Variants in DMD observed in about 807,000 individuals in gnomAD.
DMD encodes mutant dystrophin.
A neutral mutation model predicts 330.1 loss-of-function variants in DMD; 63 were observed. The ratio of observed to expected loss-of-function variants is 0.19; its 90% CI spans 0.16 to 0.24. DMD has a LOEUF of 0.24. Ranked by LOEUF, DMD falls within the 10% of genes least tolerant of loss-of-function variation. The probability of loss-of-function intolerance (pLI) is 1.00; values close to 1 mark genes in which losing one functional copy is unlikely to be tolerated. For missense variants in DMD, 3,344 were observed against 2,684.1 expected (o/e 1.25, Z -5.43); for synonymous variants, 1,223 against 959.8 (o/e 1.27, Z -5.07).
chrX:32,335,650 T>C (rs770839240), intron 41 of DMD, among the ~76,000 whole-genome samples: 2 of 108,415 alleles, frequency 1.8e-5, no homozygotes, highest in African/African-American at 6.6e-5. Context: ...CATAACATGT[T>C]ATATACATAA....
chrX:31,849,412 T>C (rs1216756201), intron 48 of DMD, among the ~76,000 whole-genome samples: 2 of 110,554 alleles, frequency 1.8e-5, no homozygotes, highest in East Asian at 2.8e-4. Context: ...TTGTGTTTGA[T>C]AGACAAGAAG....
chrX:33,280,139 C>T (rs750703517), intron 1 of DMD, among the ~76,000 whole-genome samples: 2 of 110,348 alleles, frequency 1.8e-5, no homozygotes, highest in East Asian at 2.9e-4. Flanking sequence ...TGCGCCACTA[C>T]GCCCAGCTAA....
At chrX:31,718,699 C>CTTG (rs2085250116) in intron 52 of DMD, among the ~76,000 whole-genome samples, 1 of 111,468 alleles carries the variant, frequency 9.0e-6, no homozygotes, top group African/African-American at 3.3e-5. Flanking sequence ...GCACCATGAT[C>CTTG]TTGTACTTCT....
At chrX:32,552,806 A>T (rs1000071862) in intron 16 of DMD, among the ~76,000 whole-genome samples, 3 of 112,373 alleles carry the variant, frequency 2.7e-5, no homozygotes, top group African/African-American at 9.7e-5. Context: ...AAACATTCAT[A>T]TGAAAAAATG....
At chrX:31,451,242 T>TTTCCTTCC (rs200559359) in intron 59 of DMD, among the ~76,000 whole-genome samples, 1 of 94,914 alleles carries the variant, frequency 1.1e-5, no homozygotes, top group Non-Finnish European at 2.0e-5. Flanking sequence ...CTCTTTTTTC[T>TTTCCTTCC]TTCCTTCCTT....
intron 16 of DMD, among the ~76,000 whole-genome samples, chrX:32,549,400 C>T (rs2049299016): frequency 8.9e-6 from 1 of 111,919 alleles, no homozygotes. Flanking sequence ...TGCTTGTTTT[C>T]AAGCTCTGCT....
intron 47 of DMD, among the ~76,000 whole-genome samples, chrX:31,918,163 T>G (rs1477602608): frequency 8.9e-6 from 1 of 112,700 alleles, no homozygotes; most frequent in Non-Finnish European, 1.9e-5. Context: ...TAACCTACTT[T>G]GTAATAGTAA....
intron 29 of DMD, among the ~76,000 whole-genome samples, chrX:32,417,961 A>G (rs1398664029): frequency 9.0e-6 from 1 of 110,576 alleles, no homozygotes; most frequent in East Asian, 2.8e-4. Context: ...GTTAAAAAAA[A>G]AAAAAAGAAA....
At chrX:32,914,501 A>C (rs1478967176) in intron 2 of DMD, among the ~76,000 whole-genome samples, 1 of 112,334 alleles carries the variant, frequency 8.9e-6, no homozygotes, top group Non-Finnish European at 1.9e-5. Flanking sequence ...TAAATATCGG[A>C]ATCTGTGGGT....
chrX:32,074,163 T>G (rs1359442657), intron 44 of DMD, among the ~76,000 whole-genome samples: 2 of 111,611 alleles, frequency 1.8e-5, no homozygotes, highest in African/African-American at 3.3e-5. Flanking sequence ...TAGAAATGCA[T>G]GATTATATTA....
rs1157901517 is a variant in DMD, at chrX:32,937,288, C to T, written c.93+82851G>A. Among the ~76,000 whole-genome samples the T allele has an allele frequency of 3.6e-5, 4 of 109,777 alleles. No individual in the cohort carries two copies. The Admixed American group carries it at 4.0e-4, about 11-fold the overall frequency. On this transcript the variant is annotated intron_variant, in intron 2 of 78. Transcript: ENST00000357033. ...GCTAACCTGTGGAAATCCCATGGGG[C>T]CACATGAAAATAAATACTCCACCCT... is the stretch of plus-strand genomic sequence containing the variant.
chrX:31,528,702 C>G (rs1357450701), intron 55 of DMD, among the ~76,000 whole-genome samples: 1 of 112,157 alleles, frequency 8.9e-6, no homozygotes, highest in East Asian at 2.8e-4. Flanking sequence ...GTTCTAACAT[C>G]AGGAAGAAAA....
chrX:32,883,018 T>C (rs2084111612), intron 2 of DMD, among the ~76,000 whole-genome samples: 1 of 112,083 alleles, frequency 8.9e-6, no homozygotes, highest in Non-Finnish European at 1.9e-5. Context: ...TATGTCTTAA[T>C]AGTAAAGATA....
intron 16 of DMD, among the ~76,000 whole-genome samples, chrX:32,556,766 T>C (rs1279062158): frequency 2.7e-5 from 3 of 112,104 alleles, no homozygotes; most frequent in Admixed American, 9.5e-5. Flanking sequence ...TAACTTTCCA[T>C]TTAATTATTT....
intron 29 of DMD, among the ~76,000 whole-genome samples, chrX:32,433,350 T>C (rs780083725): frequency 8.9e-6 from 1 of 111,919 alleles, no homozygotes; most frequent in African/African-American, 3.2e-5. Flanking sequence ...GGGCCTTTAA[T>C]ATCCTTTCAA....
At chrX:32,715,590 G>A (rs891729212) in intron 7 of DMD, among the ~76,000 whole-genome samples, 3 of 108,528 alleles carry the variant, frequency 2.8e-5, no homozygotes, top group Admixed American at 1.0e-4. Flanking sequence ...ATCACCTGAG[G>A]TCAGGAGTTT....
chrX:31,182,967 C>T, intron 67 of DMD, 63 bp from the exon 68 acceptor site: 4 of 969,695 alleles, frequency 4.1e-6, no homozygotes, highest in Non-Finnish European at 5.8e-6. Context: ...GGCAAGATGG[C>T]AAAGGAGGTG....
intron 62 of DMD, among the ~76,000 whole-genome samples, chrX:31,287,069 G>GT (rs2053274953): frequency 8.9e-6 from 1 of 112,391 alleles, no homozygotes; most frequent in African/African-American, 3.2e-5. Context: ...GCCTGTCCCT[G>GT]TTTCTCCACT....
At chrX:32,365,260 A>C (rs1033485937) in intron 34 of DMD, 61 bp from the exon 35 acceptor site, 63 of 1,104,386 alleles carry the variant, frequency 5.7e-5, no homozygotes, top group Non-Finnish European at 7.7e-5. Flanking sequence ...TTTAATGCTT[A>C]TGAAACGGCT....
Sources: gnomAD v4.1 joint callset for allele counts (sites outside exome capture counted in the v4.1 genomes callset) on GRCh38, gnomAD v4.1.1 for gene constraint, MANE v1.5 for transcripts, NCBI Gene and HGNC (gene_info 2026-07-23, HGNC 2026-07-21) for gene names.